CDH18: variants seen among roughly 807,000 people sequenced by gnomAD.
CDH18 encodes the protein cadherin 18, also known as cadherin-18.
A neutral mutation model predicts 67.9 loss-of-function variants in CDH18; 31 were observed. That is an observed-to-expected ratio of 0.46 (90% CI 0.34 to 0.62). The LOEUF (loss-of-function observed/expected upper bound fraction) is 0.62. CDH18 is among the 20% of genes least tolerant of loss of function. CDH18 has a pLI of 0.01. For synonymous variants in CDH18, 362 were observed against 347.2 expected (o/e 1.04, Z -0.48); for missense variants, 890 against 975.5 (o/e 0.91, Z 1.17).
intron 2 of CDH18, among the ~76,000 whole-genome samples, chr5:19,866,867 G>A (rs1036130471): frequency 3.9e-5 from 6 of 152,058 alleles, no homozygotes; most frequent in East Asian, 1.9e-4. Context: ...CGAAGCAGGC[G>A]GATCACAAGG....
chr5:19,899,775 GC>G (rs958948969), intron 2 of CDH18, among the ~76,000 whole-genome samples: 1 of 152,102 alleles, frequency 6.6e-6, no homozygotes, highest in Non-Finnish European at 1.5e-5. Flanking sequence ...AAGAAGAAAA[GC>G]CATATGCCAC....
chr5:20,077,212 A>G (rs1744020742), intron 2 of CDH18, among the ~76,000 whole-genome samples: 1 of 151,864 alleles, frequency 6.6e-6, no homozygotes, highest in South Asian at 2.1e-4. Flanking sequence ...TCTGTAAAAC[A>G]GAGGTAAAAG....
intron 2 of CDH18, among the ~76,000 whole-genome samples, chr5:20,102,696 G>C (rs1390012655): frequency 1.3e-5 from 2 of 151,970 alleles, no homozygotes; most frequent in African/African-American, 4.8e-5. Flanking sequence ...TCAATCTGTG[G>C]GTATTTACAA....
chr5:19,640,690 A>T (rs926440037), intron 5 of CDH18, among the ~76,000 whole-genome samples: 5 of 152,088 alleles, frequency 3.3e-5, no homozygotes, highest in African/African-American at 1.2e-4. Flanking sequence ...ATACAGCAAA[A>T]GCAGTCCCAA....
chr5:20,455,495 C>G (rs1368947892), intron 1 of CDH18, among the ~76,000 whole-genome samples: 1 of 152,032 alleles, frequency 6.6e-6, no homozygotes, highest in Non-Finnish European at 1.5e-5. Flanking sequence ...GAGAGCAACA[C>G]ACAAGCCTAA....
intron 2 of CDH18, among the ~76,000 whole-genome samples, chr5:20,181,620 T>C (rs1476243682): frequency 3.9e-5 from 6 of 152,148 alleles, no homozygotes; most frequent in Non-Finnish European, 8.8e-5. Flanking sequence ...CGCAGTAACA[T>C]AGATACAGTT....
At chr5:20,205,838 G>T (rs1739835955) in intron 2 of CDH18, among the ~76,000 whole-genome samples, 1 of 151,650 alleles carries the variant, frequency 6.6e-6, no homozygotes, top group Non-Finnish European at 1.5e-5. Flanking sequence ...AAATCCATGG[G>T]ATATGGCAAA....
chr5:19,672,646 A>T (rs1204291984), intron 5 of CDH18, among the ~76,000 whole-genome samples: 1 of 152,038 alleles, frequency 6.6e-6, no homozygotes, highest in East Asian at 1.9e-4. Flanking sequence ...ACAGCTTTTT[A>T]AAAAAATTTA....
rs191154384 is a variant in CDH18, at chr5:20,305,759, G to A, written c.-579-50254C>T. The A allele has an allele frequency of 1.5e-4, 45 of 297,798 alleles. No homozygotes were observed. In the Admixed American group the frequency reaches 1.9e-3, roughly 13 times the overall value. The allele number at this position is 297,798 out of a possible 1,614,324, so 18.4% of individuals were successfully genotyped here. On this transcript the variant is annotated intron_variant, in intron 1 of 14. Transcript: ENST00000507958. ...GGGAACCGCGCCGAACACGCTTTGG[G>A]CGGCCATTTTGTAACTCGAATCTAC...
chr5:20,072,737 T>C (rs1198696392), intron 2 of CDH18, among the ~76,000 whole-genome samples: 2 of 152,012 alleles, frequency 1.3e-5, no homozygotes, highest in African/African-American at 4.8e-5. Context: ...CAAAATATTT[T>C]TAGAATAGCA....
chr5:19,896,017 G>GAA lies in CDH18; in HGVS notation c.-256-56777_-256-56776dup, dbSNP rs58279995. 6.0e-3 allele frequency among the ~76,000 whole-genome samples: 911 copies of GAA among 151,086 alleles called. 8 individuals carry two copies. Among genetic ancestry groups the GAA allele is most frequent in the African/African-American group, 0.021 (851 of 41,096 alleles). On this transcript the variant is annotated intron_variant, in intron 2 of 12. Transcript: ENST00000382275. ...TGCAACCTGTGTCGCATTATTTGGG[G>GAA]AAAAAAAAATGGTCCTTGCAGATAT...
At chr5:19,826,889 C>T (rs1167676535) in intron 3 of CDH18, among the ~76,000 whole-genome samples, 1 of 152,010 alleles carries the variant, frequency 6.6e-6, no homozygotes, top group Non-Finnish European at 1.5e-5. Context: ...TCAATATTAA[C>T]CTCGAATGTA....
chr5:20,456,316 A>C (rs1207654218), intron 1 of CDH18, among the ~76,000 whole-genome samples: 1 of 152,138 alleles, frequency 6.6e-6, no homozygotes, highest in African/African-American at 2.4e-5. Context: ...TCGTGTTCCA[A>C]GTAAGTTTAT....
At chr5:20,462,817 G>A (rs973727490) in intron 1 of CDH18, among the ~76,000 whole-genome samples, 2 of 152,108 alleles carry the variant, frequency 1.3e-5, no homozygotes, top group African/African-American at 4.8e-5. Context: ...CCAACTAAAA[G>A]TGTGTAGAAA....
chr5:19,700,136 T>G (rs1763047629), intron 5 of CDH18, among the ~76,000 whole-genome samples: 1 of 152,172 alleles, frequency 6.6e-6, no homozygotes, highest in South Asian at 2.1e-4. Context: ...TTATACTCCA[T>G]AAAAATTAAT....
At chr5:20,561,869 ATT>A (rs1193759098) in intron 1 of CDH18, among the ~76,000 whole-genome samples, 9 of 148,214 alleles carry the variant, frequency 6.1e-5, no homozygotes, top group Non-Finnish European at 1.5e-5. Context: ...TTCATTATTA[ATT>A]TATTTCAGTA....
chr5:20,401,009 T>C lies in CDH18; in HGVS notation c.-579-145504A>G, dbSNP rs565919394. Reference sequence around the variant, plus strand: ...TTTGAGTTATGTACTTCTTGAATTATTTATGTTCCCTGAAGAAATGCTATG... The same window carrying C: ...TTTGAGTTATGTACTTCTTGAATTACTTATGTTCCCTGAAGAAATGCTATG... On this transcript the variant is annotated intron_variant, in intron 1 of 14. Coordinates refer to the CDH18 transcript ENST00000507958. 4.6e-5 allele frequency among the ~76,000 whole-genome samples: 7 copies of C among 152,300 alleles called. No individual in the cohort carries two copies. The East Asian group carries it at 1.4e-3, about 29-fold the overall frequency.
intron 6 of CDH18, among the ~76,000 whole-genome samples, chr5:19,603,739 T>C (rs1353949987): frequency 1.3e-5 from 2 of 150,618 alleles, no homozygotes; most frequent in African/African-American, 4.9e-5. Flanking sequence ...GCTTAGATTT[T>C]CTGAGATATG....
intron 1 of CDH18, among the ~76,000 whole-genome samples, chr5:20,317,976 TTAAAATACAAAG>T (rs1367558628): frequency 6.6e-6 from 1 of 152,180 alleles, no homozygotes; most frequent in Non-Finnish European, 1.5e-5. Context: ...TACTTGGACT[TTAAAATACAAAG>T]TAGTTTATTA....
Sources: gnomAD v4.1 joint callset for allele counts (sites outside exome capture counted in the v4.1 genomes callset) on GRCh38, gnomAD v4.1.1 for gene constraint, MANE v1.5 for transcripts, NCBI Gene and HGNC (gene_info 2026-07-23, HGNC 2026-07-21) for gene names.